The following RANBP17 variants were observed in gnomAD, a reference collection of about 807,000 sequenced individuals.
The protein encoded by RANBP17 is ran-binding protein 17.
A neutral mutation model predicts 141.2 loss-of-function variants in RANBP17; 158 were observed. The ratio of observed to expected loss-of-function variants is 1.12; its 90% CI spans 0.98 to 1.28. The LOEUF is 1.28. RANBP17 is among the 50% of genes most tolerant of loss of function. The pLI is 0.00. For synonymous variants in RANBP17, 430 were observed against 450.0 expected (o/e 0.96, Z 0.56); for missense variants, 1,438 against 1,290.7 (o/e 1.11, Z -1.75).
chr5:171,064,792 A>AT (rs1354062503), intron 14 of RANBP17, among the ~76,000 whole-genome samples: 3 of 151,764 alleles, frequency 2.0e-5, no homozygotes, highest in Non-Finnish European at 4.4e-5. Flanking sequence ...AAGTACTGGG[A>AT]TTACAGACAT....
chr5:170,909,754 C>G lies in RANBP17; in HGVS notation c.583C>G (p.Leu195Val). 1.3e-6 allele frequency: 2 copies of G among 1,503,614 alleles called. No homozygotes were observed. The highest frequency in any genetic ancestry group is 1.8e-6 in the Non-Finnish European group (2 of 1,082,662). 93.1% of individuals were successfully genotyped at this position (1,503,614 alleles called of 1,614,324 possible). ...LKDVLVLACS[L>V]LKEVFAKPLN... The stretch of plus-strand genomic sequence containing the variant: ...AGACGTTTTAGTGCTAGCATGCTCT[C>G]TTTTAAAAGAGGTAAGTTATTTGAT... Residue 195 changes from leucine (L) to valine (V), a missense_variant, in exon 6 of 28, where the codon CTT becomes GTT. Transcript: ENST00000523189.
chr5:171,107,053 G>T (rs1303335226), intron 14 of RANBP17, among the ~76,000 whole-genome samples: 2 of 142,770 alleles, frequency 1.4e-5, no homozygotes, highest in African/African-American at 5.1e-5. Context: ...TGTTGTTTTG[G>T]AGTTCAACAT....
intron 14 of RANBP17, among the ~76,000 whole-genome samples, chr5:171,091,124 A>G (rs116817463): frequency 2.5e-3 from 388 of 152,300 alleles, no homozygotes; most frequent in African/African-American, 9.0e-3. Flanking sequence ...ATCTGCAGAC[A>G]TTCAATGCCA....
intron 14 of RANBP17, among the ~76,000 whole-genome samples, chr5:170,969,409 TAGAATC>T (rs1776824888): frequency 6.6e-6 from 1 of 151,996 alleles, no homozygotes; most frequent in Non-Finnish European, 1.5e-5. Flanking sequence ...TAAGACAACT[TAGAATC>T]AGACAATAAT....
intron 14 of RANBP17, among the ~76,000 whole-genome samples, chr5:171,078,294 C>G (rs1785063618): frequency 6.6e-6 from 1 of 152,054 alleles, no homozygotes; most frequent in South Asian, 2.1e-4. Context: ...ACCTGAGTAG[C>G]TGGGATTACA....
intron 14 of RANBP17, among the ~76,000 whole-genome samples, chr5:170,981,768 G>A (rs767099996): frequency 2.0e-5 from 3 of 152,104 alleles, no homozygotes; most frequent in Non-Finnish European, 4.4e-5. Context: ...GCAACCAGAT[G>A]TATAAGCGGT....
intron 5 of RANBP17, among the ~76,000 whole-genome samples, chr5:170,905,904 A>T (rs555668275): frequency 1.3e-5 from 2 of 152,266 alleles, no homozygotes; most frequent in South Asian, 4.1e-4. Context: ...TATCACTGAA[A>T]TAAGACTAGT....
At chr5:171,147,382 G>GTGTGT (rs1315097543) in intron 14 of RANBP17, among the ~76,000 whole-genome samples, 9 of 32,062 alleles carry the variant, frequency 2.8e-4, no homozygotes, top group South Asian at 1.2e-3. Flanking sequence ...TGTGTGTGTG[G>GTGTGT]TTGTTTGTTT....
At chr5:170,899,916 G>A (rs1770482085) in intron 5 of RANBP17, among the ~76,000 whole-genome samples, 1 of 152,160 alleles carries the variant, frequency 6.6e-6, no homozygotes, top group South Asian at 2.1e-4. Context: ...GATTTGGCTT[G>A]CCAGTATTTT....
intron 14 of RANBP17, among the ~76,000 whole-genome samples, chr5:170,998,707 G>A (rs1490069685): frequency 1.3e-5 from 2 of 152,080 alleles, no homozygotes; most frequent in African/African-American, 4.8e-5. Context: ...TACTTTTGCT[G>A]TTGAGAAATC....
intron 22 of RANBP17, among the ~76,000 whole-genome samples, chr5:171,232,917 T>C (rs1764289286): frequency 6.6e-6 from 1 of 152,222 alleles, no homozygotes; most frequent in Non-Finnish European, 1.5e-5. Context: ...AGTGCTTCAG[T>C]CAATAACTTT....
At chr5:171,174,751 A>AGTGTGT (rs57948503) in intron 16 of RANBP17, among the ~76,000 whole-genome samples, 8,286 of 135,588 alleles carry the variant, frequency 0.061, 309 homozygotes, top group Admixed American at 0.098. Flanking sequence ...AAATATCTAG[A>AGTGTGT]GTGTGTGTGT....
chr5:171,127,251 A>T (rs1045319890), intron 14 of RANBP17, among the ~76,000 whole-genome samples: 3 of 152,258 alleles, frequency 2.0e-5, no homozygotes, highest in Admixed American at 6.5e-5. Context: ...AGATGCAGAA[A>T]AACATTTGAT....
Position 171,298,229 on chromosome 5 carries a change from C to A in RANBP17, c.3171-533C>A, listed in dbSNP as rs117382823. Among the ~76,000 whole-genome samples, 51 of 152,258 alleles carry A rather than the reference C, an allele frequency of 3.3e-4. 4 individuals are homozygous for A. The East Asian group carries it at 9.9e-3, about 29-fold the overall frequency. On this transcript the variant is annotated intron_variant, in intron 27 of 27. Transcript: ENST00000523189. ...GTACCAAGACAAGAGGTTAAGTATT[C>A]ATCCAATATCACCGGACTCATAAGT...
intron 14 of RANBP17, among the ~76,000 whole-genome samples, chr5:171,136,410 T>TTTTTC (rs919912067): frequency 1.6e-4 from 25 of 152,180 alleles, no homozygotes; most frequent in African/African-American, 2.6e-4. Flanking sequence ...CTCACCTTTT[T>TTTTTC]TTTTCTTTTC....
chr5:171,155,094 A>ATATATATATATATATATAT (rs1554106865), intron 14 of RANBP17, among the ~76,000 whole-genome samples: 1 of 74,988 alleles, frequency 1.3e-5, no homozygotes, highest in African/African-American at 5.2e-5. Context: ...AAAAAAAAAA[A>ATATATATATATATATATAT]ATATATATAT....
intron 13 of RANBP17, among the ~76,000 whole-genome samples, chr5:170,966,498 T>A (rs1461390420): frequency 1.3e-5 from 2 of 152,182 alleles, no homozygotes; most frequent in Non-Finnish European, 2.9e-5. Context: ...CAACAACCCT[T>A]CAAGCTAAAA....
At chr5:171,085,012 G>A (rs1785536499) in intron 14 of RANBP17, among the ~76,000 whole-genome samples, 1 of 46,946 alleles carries the variant, frequency 2.1e-5, no homozygotes, top group Admixed American at 2.5e-4. Flanking sequence ...ATTGCTTTTG[G>A]TGTTTTGGAC....
chr5:171,211,283 A>G (rs1762866066), intron 20 of RANBP17, among the ~76,000 whole-genome samples: 1 of 150,848 alleles, frequency 6.6e-6, no homozygotes, highest in African/African-American at 2.4e-5. Flanking sequence ...TTTTTTTGAG[A>G]CAGAGTCTCA....
Sources: gnomAD v4.1 joint callset for allele counts (sites outside exome capture counted in the v4.1 genomes callset) on GRCh38, gnomAD v4.1.1 for gene constraint, MANE v1.5 for transcripts, NCBI Gene and HGNC (gene_info 2026-07-23, HGNC 2026-07-21) for gene names.